The following SLC24A2 variants were observed in gnomAD, a reference collection of about 807,000 sequenced individuals.
The protein encoded by SLC24A2 is solute carrier family 24 member 2, also known as sodium/potassium/calcium exchanger 2.
A neutral mutation model predicts 62.0 loss-of-function variants in SLC24A2; 36 were observed. The observed-to-expected ratio is 0.58, with a 90% CI of 0.44 to 0.77. The LOEUF is 0.77. SLC24A2 is among the 30% of genes least tolerant of loss of function. SLC24A2 has a pLI of 0.00. For synonymous variants in SLC24A2, 358 were observed against 294.0 expected, an observed-to-expected ratio of 1.22 and a Z score of -2.23; for missense variants, 846 against 817.9, an observed-to-expected ratio of 1.03 and a Z score of -0.42.
intron 2 of SLC24A2, among the ~76,000 whole-genome samples, chr9:19,724,207 G>C (rs1821107668): frequency 6.6e-6 from 1 of 152,096 alleles, no homozygotes; most frequent in Non-Finnish European, 1.5e-5. Context: ...GGATAATTCA[G>C]AACTACAAAG....
the SLC24A2 span, among the ~76,000 whole-genome samples, chr9:20,281,633 C>T: frequency 6.6e-6 from 1 of 152,076 alleles, no homozygotes; most frequent in East Asian, 1.9e-4. Context: ...CAGATTTATC[C>T]ATAATGTTGC....
the SLC24A2 span, among the ~76,000 whole-genome samples, chr9:20,055,008 T>G: frequency 6.6e-5 from 10 of 152,232 alleles, no homozygotes; most frequent in Non-Finnish European, 1.3e-4. Flanking sequence ...CACCACATTT[T>G]GAAGCATTCT....
chr9:20,018,121 G>A, the SLC24A2 span, among the ~76,000 whole-genome samples: 7 of 152,100 alleles, frequency 4.6e-5, no homozygotes, highest in East Asian at 1.4e-3. Flanking sequence ...TAATTTTTTT[G>A]TATTTTTAGT....
chr9:19,948,458 C>T, the SLC24A2 span, among the ~76,000 whole-genome samples: 2 of 152,204 alleles, frequency 1.3e-5, no homozygotes, highest in East Asian at 3.9e-4. Context: ...TAGAGAAAAA[C>T]GAAAATTTTA....
At chr9:19,949,180 G>C in the SLC24A2 span, among the ~76,000 whole-genome samples, 3 of 151,934 alleles carry the variant, frequency 2.0e-5, no homozygotes, top group Non-Finnish European at 4.4e-5. Context: ...TTTTAGTAGA[G>C]ACGCGGTTTC....
chr9:19,724,640 A>G (rs1379579582), intron 2 of SLC24A2, among the ~76,000 whole-genome samples: 2 of 152,172 alleles, frequency 1.3e-5, no homozygotes, highest in African/African-American at 4.8e-5. Context: ...TAAACGGAGA[A>G]CATTCAGCTT....
intron 2 of SLC24A2, among the ~76,000 whole-genome samples, chr9:19,732,138 C>G (rs1395105776): frequency 6.6e-6 from 1 of 152,020 alleles, no homozygotes; most frequent in Non-Finnish European, 1.5e-5. Context: ...TCCTGGTGAA[C>G]TTTTAGACAG....
In SLC24A2 at chr9:19,516,430, G is replaced by A. The variant is rs760736637; in HGVS notation, c.1737-28C>T. On this transcript the variant is annotated intron_variant, in intron 10 of 10. Transcript: ENST00000341998. ...GTGCAGAAGTGAAGCAGGGCAGAGG[G>A]GAGTGGGAAGACAAGGGAGTAGTCA... is the stretch of plus-strand genomic sequence containing the variant. The A allele has an allele frequency of 1.1e-5, 18 of 1,611,842 alleles. No individual in the cohort carries two copies. The Middle Eastern group carries it at 1.9e-3, about 167-fold the overall frequency.
At chr9:19,954,391 G>A in the SLC24A2 span, among the ~76,000 whole-genome samples, 1 of 151,992 alleles carries the variant, frequency 6.6e-6, no homozygotes, top group East Asian at 1.9e-4. Context: ...ATGTAACCAA[G>A]TAATTTACAG....
intron 2 of SLC24A2, among the ~76,000 whole-genome samples, chr9:19,783,369 C>A (rs1174706084): frequency 6.6e-6 from 1 of 152,164 alleles, no homozygotes; most frequent in African/African-American, 2.4e-5. Context: ...TTCCTAAATT[C>A]TTGTACAGCA....
chr9:20,035,492 A>G, the SLC24A2 span, among the ~76,000 whole-genome samples: 2 of 152,156 alleles, frequency 1.3e-5, no homozygotes, highest in Non-Finnish European at 2.9e-5. Context: ...GGTGGCTCAC[A>G]CCTATAATCC....
intron 2 of SLC24A2, among the ~76,000 whole-genome samples, chr9:19,777,361 A>G (rs1466067773): frequency 6.6e-6 from 1 of 152,214 alleles, no homozygotes; most frequent in Non-Finnish European, 1.5e-5. Context: ...AATATTCAAC[A>G]CTACTAAGTA....
the SLC24A2 span, among the ~76,000 whole-genome samples, chr9:19,887,541 TA>T: frequency 2.0e-5 from 3 of 151,692 alleles, no homozygotes; most frequent in African/African-American, 7.3e-5. Context: ...AATAAAAAAA[TA>T]AAAAAATAAT....
At chr9:19,913,922 A>C in the SLC24A2 span, among the ~76,000 whole-genome samples, 1 of 151,684 alleles carries the variant, frequency 6.6e-6, no homozygotes, top group Non-Finnish European at 1.5e-5. Context: ...CTTAATTCTT[A>C]CTGTATCCCA....
At chr9:20,104,333 C>G in the SLC24A2 span, among the ~76,000 whole-genome samples, 2 of 152,114 alleles carry the variant, frequency 1.3e-5, no homozygotes, top group African/African-American at 2.4e-5. Flanking sequence ...CATTCACATT[C>G]AGGAAATACA....
chr9:20,061,278 T>C, the SLC24A2 span, among the ~76,000 whole-genome samples: 2 of 150,540 alleles, frequency 1.3e-5, no homozygotes, highest in Admixed American at 6.6e-5. Flanking sequence ...CTTATGTTTA[T>C]GGTCAACTGA....
chr9:19,747,108 ACAAT>A (rs1821854997), intron 2 of SLC24A2, among the ~76,000 whole-genome samples: 3 of 152,300 alleles, frequency 2.0e-5, no homozygotes, highest in African/African-American at 7.2e-5. Context: ...ATAATAACCA[ACAAT>A]CAATCTACTA....
the SLC24A2 span, among the ~76,000 whole-genome samples, chr9:20,277,918 G>A: frequency 2.0e-5 from 3 of 152,156 alleles, no homozygotes; most frequent in African/African-American, 7.2e-5. Context: ...AAAAAAGGAT[G>A]AGTTCATGTC....
intron 8 of SLC24A2, among the ~76,000 whole-genome samples, chr9:19,533,740 T>C (rs1833816985): frequency 6.6e-6 from 1 of 152,148 alleles, no homozygotes; most frequent in Non-Finnish European, 1.5e-5. Flanking sequence ...ATTCACAGAA[T>C]TATGGGCTAA....
Sources: gnomAD v4.1 joint callset for allele counts (sites outside exome capture counted in the v4.1 genomes callset) on GRCh38, gnomAD v4.1.1 for gene constraint, MANE v1.5 for transcripts, NCBI Gene and HGNC (gene_info 2026-07-23, HGNC 2026-07-21) for gene names.